The following ADAMTSL1 variants were observed in gnomAD, a reference collection of about 807,000 sequenced individuals.
ADAMTSL1 encodes ADAMTS like 1.
In ADAMTSL1, 126 loss-of-function variants were observed where a neutral mutation model predicts 201.8. The ratio of observed to expected loss-of-function variants is 0.62; its 90% CI spans 0.54 to 0.72. The LOEUF is 0.72. Among genes scored for constraint, ADAMTSL1 ranks in the 30% least tolerant of loss-of-function variants. The pLI, the probability that ADAMTSL1 is intolerant of heterozygous loss-of-function variation, is 0.00. For synonymous variants in ADAMTSL1, 1,121 were observed against 903.4 expected (o/e 1.24, Z -4.32); for missense variants, 2,679 against 2,277.8 (o/e 1.18, Z -3.59).
At chr9:18,179,892 GAAC>G (rs1828375020) in intron 2 of ADAMTSL1, among the ~76,000 whole-genome samples, 2 of 151,864 alleles carry the variant, frequency 1.3e-5, no homozygotes, top group South Asian at 4.2e-4. Context: ...ACATGGAAAG[GAAC>G]AACAAGTACC....
chr9:18,148,436 A>C (rs1202770829), intron 1 of ADAMTSL1, among the ~76,000 whole-genome samples: 1 of 152,032 alleles, frequency 6.6e-6, no homozygotes, highest in Non-Finnish European at 1.5e-5. Flanking sequence ...CAGATACTAA[A>C]GTCAAGTCAA....
chr9:18,805,445 C>T (rs1302042147), intron 20 of ADAMTSL1, among the ~76,000 whole-genome samples: 2 of 152,144 alleles, frequency 1.3e-5, no homozygotes, highest in Middle Eastern at 3.2e-3. Context: ...CAGAGTTTTG[C>T]CATTGTGTTA....
At chr9:18,247,022 T>C (rs984788536) in intron 2 of ADAMTSL1, among the ~76,000 whole-genome samples, 14 of 152,182 alleles carry the variant, frequency 9.2e-5, no homozygotes, top group Admixed American at 9.2e-4. Context: ...CTACAGAATC[T>C]AGTTATGCAT....
chr9:18,619,876 G>T (rs904109201), intron 4 of ADAMTSL1, among the ~76,000 whole-genome samples: 1 of 152,152 alleles, frequency 6.6e-6, no homozygotes, highest in Non-Finnish European at 1.5e-5. Flanking sequence ...CAAGGATCTT[G>T]TCAGATTAAG....
rs374272730 is a variant in ADAMTSL1 at position 18,794,579 on chromosome 9, C to T, written c.3678-818C>T. ...CAATATGCAATTCTTGGCTTTTTCT[C>T]TTCTACCTGCAAACCTGAACAGATG... On this transcript the variant is annotated intron_variant, in intron 19 of 28. Transcript: ENST00000380548. 1.3e-4 allele frequency among the ~76,000 whole-genome samples: 20 copies of T among 151,862 alleles called. 1 individual carries two copies. The East Asian group carries it at 1.7e-3, about 13-fold the overall frequency.
chr9:18,899,634 C>G (rs551872747), intron 26 of ADAMTSL1, among the ~76,000 whole-genome samples: 1 of 152,214 alleles, frequency 6.6e-6, no homozygotes, highest in Non-Finnish European at 1.5e-5. Flanking sequence ...GAAATAAGAT[C>G]ACATACCTAC....
At chr9:18,633,345 A>G (rs986895147) in intron 5 of ADAMTSL1, among the ~76,000 whole-genome samples, 1 of 152,096 alleles carries the variant, frequency 6.6e-6, no homozygotes, top group Non-Finnish European at 1.5e-5. Context: ...TAATCCCAGC[A>G]TTTTGGGAGG....
At chr9:18,285,369 T>A (rs1832953403) in intron 2 of ADAMTSL1, among the ~76,000 whole-genome samples, 1 of 152,026 alleles carries the variant, frequency 6.6e-6, no homozygotes, top group South Asian at 2.1e-4. Flanking sequence ...CTGATGAGAG[T>A]GAGGGTCAAT....
intron 1 of ADAMTSL1, among the ~76,000 whole-genome samples, chr9:18,495,364 TATGGACATA>T (rs1822483484): frequency 6.6e-6 from 1 of 152,148 alleles, no homozygotes; most frequent in South Asian, 2.1e-4. Context: ...AATCACTGCT[TATGGACATA>T]AAATCAAATA....
chr9:18,255,687 T>C (rs1278346878), intron 2 of ADAMTSL1, among the ~76,000 whole-genome samples: 1 of 152,178 alleles, frequency 6.6e-6, no homozygotes, highest in Non-Finnish European at 1.5e-5. Context: ...CAGGTGAAAA[T>C]GAGGACTTTG....
intron 2 of ADAMTSL1, among the ~76,000 whole-genome samples, chr9:18,517,819 G>T (rs1259161258): frequency 3.3e-5 from 5 of 152,032 alleles, no homozygotes; most frequent in Non-Finnish European, 7.4e-5. Context: ...CATTTGGGTT[G>T]GTTCCAAGTC....
chr9:18,343,415 G>C (rs759792873), intron 2 of ADAMTSL1, among the ~76,000 whole-genome samples: 2 of 152,030 alleles, frequency 1.3e-5, no homozygotes, highest in Non-Finnish European at 2.9e-5. Flanking sequence ...GACCCCACCA[G>C]TGATCAATGA....
At chr9:17,929,048 TTGGATTACATGATCTAGTGGGTTAA>T (rs1252281497) in intron 1 of ADAMTSL1, among the ~76,000 whole-genome samples, 2 of 152,092 alleles carry the variant, frequency 1.3e-5, no homozygotes, top group Non-Finnish European at 2.9e-5. Flanking sequence ...AAGGAAAGGC[TTGGATTACATGATCTAGTGGGTTAA>T]TGCCAATTAA....
chr9:18,711,741 C>T (rs1240730972), intron 14 of ADAMTSL1, among the ~76,000 whole-genome samples: 2 of 152,100 alleles, frequency 1.3e-5, no homozygotes, highest in Non-Finnish European at 2.9e-5. Flanking sequence ...GGGTGGAGCC[C>T]ACCACAGCTC....
intron 3 of ADAMTSL1, among the ~76,000 whole-genome samples, chr9:18,557,664 G>A (rs541193289): frequency 1.3e-5 from 2 of 151,990 alleles, no homozygotes; most frequent in Admixed American, 6.6e-5. Context: ...AAGGAGAGAA[G>A]GTGAAGAGAA....
At chr9:18,726,732 T>C (rs1441270334) in intron 15 of ADAMTSL1, among the ~76,000 whole-genome samples, 1 of 152,124 alleles carries the variant, frequency 6.6e-6, no homozygotes, top group Non-Finnish European at 1.5e-5. Flanking sequence ...ATGCTGAAAA[T>C]GAAGGAAATT....
intron 19 of ADAMTSL1, among the ~76,000 whole-genome samples, chr9:18,788,724 G>T (rs945253891): frequency 1.3e-5 from 2 of 152,174 alleles, no homozygotes; most frequent in Non-Finnish European, 2.9e-5. Flanking sequence ...ATAAGGAAAA[G>T]ACTTCACCAT....
intron 4 of ADAMTSL1, among the ~76,000 whole-genome samples, chr9:18,597,215 C>G (rs1232182914): frequency 6.6e-6 from 1 of 152,098 alleles, no homozygotes; most frequent in Non-Finnish European, 1.5e-5. Flanking sequence ...TCTTTTTTAT[C>G]TTTTAATATA....
chr9:18,019,997 C>T (rs1003905047), intron 1 of ADAMTSL1, among the ~76,000 whole-genome samples: 26 of 152,182 alleles, frequency 1.7e-4, no homozygotes, highest in African/African-American at 6.3e-4. Context: ...CATTTGAACA[C>T]AAATGTGTAC....
Sources: allele counts gnomAD v4.1 joint callset (sites outside exome capture counted in the v4.1 genomes callset), GRCh38; gene constraint gnomAD v4.1.1; transcripts MANE v1.5; gene names NCBI Gene and HGNC (gene_info 2026-07-23, HGNC 2026-07-21).